TMOD2: variants seen among roughly 807,000 people sequenced by gnomAD.
TMOD2 encodes tropomodulin 2.
Under a neutral mutation model 39.9 loss-of-function variants are expected in TMOD2, and 22 were observed. The observed-to-expected ratio is 0.55, with a 90% CI of 0.39 to 0.79. The LOEUF is 0.79. TMOD2 is among the 30% of genes least tolerant of loss of function. The pLI, the probability that TMOD2 is intolerant of heterozygous loss-of-function variation, is 0.00. For synonymous variants in TMOD2, 123 were observed against 146.1 expected, an observed-to-expected ratio of 0.84 and a Z score of 1.14; for missense variants, 386 against 413.3, an observed-to-expected ratio of 0.93 and a Z score of 0.57.
intron 5 of TMOD2, among the ~76,000 whole-genome samples, chr15:51,779,807 A>C (rs1187472986): frequency 6.6e-6 from 1 of 152,036 alleles, no homozygotes; most frequent in Non-Finnish European, 1.5e-5. Context: ...CAGTCCCCTG[A>C]GCAGCTAGGA....
At chr15:51,773,568 C>A in intron 3 of TMOD2, 144 bp from the exon 4 acceptor site, 1 of 699,798 alleles carries the variant, frequency 1.4e-6, no homozygotes, top group Non-Finnish European at 2.2e-6. Flanking sequence ...TGGTACCATC[C>A]TGGCAATCCA....
intron 2 of TMOD2, among the ~76,000 whole-genome samples, chr15:51,768,044 G>A (rs779271000): frequency 2.6e-5 from 4 of 152,166 alleles, no homozygotes; most frequent in Admixed American, 6.5e-5. Context: ...CCATCTATGC[G>A]CTGCTTGAGC....
chr15:51,762,431 A>C (rs1401237314), intron 1 of TMOD2, among the ~76,000 whole-genome samples: 1 of 152,182 alleles, frequency 6.6e-6, no homozygotes, highest in Non-Finnish European at 1.5e-5. Flanking sequence ...ACTGAACTCA[A>C]GCCTGGCAAC....
In TMOD2 at chr15:51,811,171, A is replaced by C. The variant is rs940288565; in HGVS notation, c.*2717A>C. On this transcript the variant is annotated 3_prime_UTR_variant, in exon 10 of 10. Transcript: ENST00000249700. Reference sequence around the variant, plus strand: ...AAACATACACTTGAGGAGCCTATCCATCATTTAATTAGCCTAGGACTTCAT... The same window carrying C: ...AAACATACACTTGAGGAGCCTATCCCTCATTTAATTAGCCTAGGACTTCAT... 8 of 152,320 alleles carry C rather than the reference A, an allele frequency of 5.3e-5. No individual in the cohort carries two copies. Among genetic ancestry groups the C allele is most frequent in the Non-Finnish European group, 1.2e-4 (8 of 68,036 alleles). The allele number at this position is 152,320 out of a possible 1,614,324, so 9.4% of individuals were successfully genotyped here.
chr15:51,780,971 A>C (rs2055925566), intron 5 of TMOD2, 73 bp from the exon 6 acceptor site: 1 of 1,302,414 alleles, frequency 7.7e-7, no homozygotes, highest in Non-Finnish European at 1.1e-6. Flanking sequence ...AAGAAATGTC[A>C]TTTTTTGGGA....
At chr15:51,790,909 G>T (rs1279976439) in intron 7 of TMOD2, among the ~76,000 whole-genome samples, 1 of 152,110 alleles carries the variant, frequency 6.6e-6, no homozygotes, top group Non-Finnish European at 1.5e-5. Flanking sequence ...TACTGAATGG[G>T]CAAAAACTGG....
chr15:51,798,174 T>A (rs1264823318), intron 7 of TMOD2, 23 bp from the exon 8 acceptor site: 4 of 1,562,582 alleles, frequency 2.6e-6, no homozygotes, highest in Middle Eastern at 1.7e-4. Flanking sequence ...AATTCTAAGT[T>A]TTTTTTCTTT....
chr15:51,783,380 A>G, intron 7 of TMOD2: 1 of 152,978 alleles, frequency 6.5e-6, no homozygotes, highest in Non-Finnish European at 1.5e-5. Context: ...TACTTAGGAG[A>G]CTGAGGCAGA....
chr15:51,751,925 C>T (rs1298106777), intron 1 of TMOD2, among the ~76,000 whole-genome samples: 1 of 145,070 alleles, frequency 6.9e-6, no homozygotes, highest in African/African-American at 2.5e-5. Context: ...GCGCTGCGCC[C>T]GGGCGGGAGG....
Position 51,764,100 on chromosome 15 carries a change from A to G in TMOD2, c.-69-2273A>G, listed in dbSNP as rs1391758124. Among the ~76,000 whole-genome samples, 3 of 150,608 alleles carry G rather than the reference A, an allele frequency of 2.0e-5. No homozygotes were observed. In the East Asian group the frequency reaches 5.8e-4, roughly 29 times the overall value. On this transcript the variant is annotated intron_variant, in intron 1 of 9. Coordinates refer to ENST00000249700, the MANE Select transcript of TMOD2 (RefSeq NM_014548.4). Reference sequence around the variant, plus strand: ...ATTAAAGATTTAAAAAAAAAAAAGGAGGGCTGGGAGACCTCATCTCTACAA... The same window carrying G: ...ATTAAAGATTTAAAAAAAAAAAAGGGGGGCTGGGAGACCTCATCTCTACAA...
chr15:51,801,259 A>T (rs1218522360), intron 8 of TMOD2, among the ~76,000 whole-genome samples: 1 of 139,578 alleles, frequency 7.2e-6, no homozygotes, highest in Non-Finnish European at 1.6e-5. Flanking sequence ...ACACACACAC[A>T]CACACACACA....
chr15:51,756,544 T>C (rs1202217324), intron 1 of TMOD2: 1 of 152,268 alleles, frequency 6.6e-6, no homozygotes, highest in African/African-American at 2.4e-5. Flanking sequence ...CACACATATC[T>C]GCACCATCAG....
intron 5 of TMOD2, among the ~76,000 whole-genome samples, chr15:51,779,989 A>G (rs550465483): frequency 4.6e-5 from 7 of 152,304 alleles, no homozygotes; most frequent in Non-Finnish European, 7.3e-5. Context: ...GCTCCTGAAT[A>G]GATTCTTTTA....
chr15:51,797,518 C>CTTTTG (rs890576653), intron 7 of TMOD2, among the ~76,000 whole-genome samples: 2 of 152,096 alleles, frequency 1.3e-5, no homozygotes, highest in Non-Finnish European at 2.9e-5. Flanking sequence ...AGATAATGGC[C>CTTTTG]TTTTGTTTTG....
intron 7 of TMOD2, among the ~76,000 whole-genome samples, chr15:51,789,470 G>T (rs1373031777): frequency 1.3e-5 from 2 of 152,130 alleles, no homozygotes; most frequent in Admixed American, 6.6e-5. Flanking sequence ...AAATTAACAA[G>T]GATATCCAGG....
intron 3 of TMOD2, among the ~76,000 whole-genome samples, 156 bp from the exon 4 acceptor site, chr15:51,773,556 G>T (rs1399423091): frequency 6.6e-6 from 1 of 152,140 alleles, no homozygotes; most frequent in Non-Finnish European, 1.5e-5. Context: ...ACTTATTGAT[G>T]TTGGTACCAT....
At chr15:51,807,745 C>T (rs2056129937) in intron 9 of TMOD2, among the ~76,000 whole-genome samples, 2 of 152,164 alleles carry the variant, frequency 1.3e-5, no homozygotes, top group Non-Finnish European at 2.9e-5. Context: ...ACAGCCAGGG[C>T]ACCTTTTTGC....
intron 8 of TMOD2, among the ~76,000 whole-genome samples, chr15:51,804,896 G>A (rs536456857): frequency 6.6e-6 from 1 of 151,756 alleles, no homozygotes; most frequent in African/African-American, 2.4e-5. Flanking sequence ...TGTGATGACT[G>A]TGTTATGAAA....
chr15:51,755,684 C>G lies in TMOD2; in HGVS notation c.-70+3972C>G, dbSNP rs147772279. Among the ~76,000 whole-genome samples, 7 of 152,212 alleles carry G rather than the reference C, an allele frequency of 4.6e-5. No individual in the cohort carries two copies. In the East Asian group the frequency reaches 1.4e-3, roughly 29 times the overall value. On this transcript the variant is annotated intron_variant, in intron 1 of 9. Transcript: ENST00000249700. ...AACTGTCCTCATTGTTGATAAACAA[C>G]CATTCTGACTGGGCAGTGTCCCTTC...
Sources: gnomAD v4.1 joint callset for allele counts (sites outside exome capture counted in the v4.1 genomes callset) on GRCh38, gnomAD v4.1.1 for gene constraint, MANE v1.5 for transcripts, NCBI Gene and HGNC (gene_info 2026-07-23, HGNC 2026-07-21) for gene names.